The following MACROD2 variants were observed in gnomAD, a reference collection of about 807,000 sequenced individuals.
MACROD2 encodes ADP-ribose glycohydrolase MACROD2.
In MACROD2, 36 loss-of-function variants were observed where a neutral mutation model predicts 70.4. The observed-to-expected ratio is 0.51, with a 90% CI of 0.39 to 0.68. MACROD2 has a LOEUF of 0.68. MACROD2 is among the 30% of genes least tolerant of loss of function. The pLI is 0.00. For synonymous variants in MACROD2, 172 were observed against 178.8 expected (o/e 0.96, Z 0.30); for missense variants, 496 against 538.4 (o/e 0.92, Z 0.78).
At chr20:14,105,348 A>G (rs1272285987) in intron 3 of MACROD2, among the ~76,000 whole-genome samples, 1 of 152,182 alleles carries the variant, frequency 6.6e-6, no homozygotes, top group East Asian at 1.9e-4. Context: ...GAGGAAGGAG[A>G]GCACAGTGCC....
chr20:14,799,670 T>G (rs2072551094), intron 5 of MACROD2, among the ~76,000 whole-genome samples: 1 of 152,052 alleles, frequency 6.6e-6, no homozygotes, highest in Non-Finnish European at 1.5e-5. Flanking sequence ...TATGCTCTGC[T>G]TCTTGGCCAG....
chr20:14,936,634 C>CAA (rs553802068), intron 5 of MACROD2, among the ~76,000 whole-genome samples: 35 of 141,138 alleles, frequency 2.5e-4, no homozygotes, highest in African/African-American at 6.7e-4. Context: ...AGGTCCTTTC[C>CAA]AAAAAAAAAA....
chr20:15,892,834 G>C, intron 10 of MACROD2: 1 of 396,292 alleles, frequency 2.5e-6, no homozygotes, highest in African/African-American at 2.1e-5. Context: ...GTGTGTGTAG[G>C]TTTACTAAGA....
chr20:15,040,067 G>T (rs1026188432), intron 5 of MACROD2, among the ~76,000 whole-genome samples: 1 of 152,126 alleles, frequency 6.6e-6, no homozygotes, highest in Non-Finnish European at 1.5e-5. Context: ...GGAAAAGCAG[G>T]TCTTTTTGCT....
intron 8 of MACROD2, among the ~76,000 whole-genome samples, chr20:15,810,667 C>T (rs1022265367): frequency 1.2e-4 from 19 of 152,168 alleles, no homozygotes; most frequent in Admixed American, 6.5e-4. Context: ...GGAGGCATCA[C>T]GCTACCTGAC....
intron 4 of MACROD2, among the ~76,000 whole-genome samples, chr20:14,534,225 C>A (rs1254460338): frequency 6.6e-6 from 1 of 152,150 alleles, no homozygotes; most frequent in East Asian, 1.9e-4. Flanking sequence ...AGGGTAATTT[C>A]ATTTTCCTCA....
chr20:15,493,415 A>T (rs1212737472), intron 7 of MACROD2, among the ~76,000 whole-genome samples: 1 of 152,220 alleles, frequency 6.6e-6, no homozygotes, highest in African/African-American at 2.4e-5. Context: ...AAGTATCACC[A>T]TATGCCTTTC....
chr20:14,502,166 C>A (rs2084921550), intron 4 of MACROD2, among the ~76,000 whole-genome samples: 1 of 152,210 alleles, frequency 6.6e-6, no homozygotes, highest in Non-Finnish European at 1.5e-5. Flanking sequence ...ACATTATATT[C>A]CTTCAGTTTA....
At chr20:15,543,842 C>T (rs561024725) in intron 8 of MACROD2, among the ~76,000 whole-genome samples, 8 of 152,280 alleles carry the variant, frequency 5.3e-5, no homozygotes, top group South Asian at 4.1e-4. Flanking sequence ...GTCTTTTATC[C>T]GTTTCCCTGG....
At chr20:15,330,388 G>C (rs1205148552) in intron 6 of MACROD2, among the ~76,000 whole-genome samples, 1 of 148,386 alleles carries the variant, frequency 6.7e-6, no homozygotes, top group African/African-American at 2.6e-5. Context: ...TCCAGGCTCA[G>C]CAGGCAGCCC....
chr20:14,350,019 G>A (rs950758169), intron 3 of MACROD2, among the ~76,000 whole-genome samples: 2 of 151,658 alleles, frequency 1.3e-5, no homozygotes, highest in Non-Finnish European at 2.9e-5. Context: ...AAAGTGCTGG[G>A]ATTACAGGCG....
At chr20:15,406,585 C>T (rs1216270000) in intron 6 of MACROD2, among the ~76,000 whole-genome samples, 1 of 152,100 alleles carries the variant, frequency 6.6e-6, no homozygotes, top group African/African-American at 2.4e-5. Context: ...AAAAGTTCTG[C>T]TTAAAATACT....
intron 6 of MACROD2, among the ~76,000 whole-genome samples, chr20:15,352,080 A>T (rs2078233559): frequency 6.6e-6 from 1 of 152,182 alleles, no homozygotes; most frequent in Non-Finnish European, 1.5e-5. Context: ...GCTCAAACTG[A>T]GGCAGCCATA....
At chr20:15,101,738 T>A (rs1218881256) in intron 5 of MACROD2, among the ~76,000 whole-genome samples, 1 of 151,978 alleles carries the variant, frequency 6.6e-6, no homozygotes, top group Non-Finnish European at 1.5e-5. Context: ...AGACTCCTGG[T>A]TCTCACTTTG....
chr20:14,922,075 C>A (rs1364255107), intron 5 of MACROD2, among the ~76,000 whole-genome samples: 1 of 152,252 alleles, frequency 6.6e-6, no homozygotes, highest in East Asian at 1.9e-4. Context: ...GTTCTAAATT[C>A]TAGCAATTTC....
chr20:15,311,693 A>G (rs1252985270), intron 6 of MACROD2, among the ~76,000 whole-genome samples: 1 of 152,204 alleles, frequency 6.6e-6, no homozygotes, highest in Non-Finnish European at 1.5e-5. Context: ...ACAGAAAACC[A>G]AATACTGCAT....
At chr20:15,244,717 G>T (rs1460637712) in intron 6 of MACROD2, among the ~76,000 whole-genome samples, 1 of 152,124 alleles carries the variant, frequency 6.6e-6, no homozygotes, top group African/African-American at 2.4e-5. Context: ...TTGATATTAA[G>T]AATTTTACCT....
chr20:15,253,342 A>G (rs1003230465), intron 6 of MACROD2, among the ~76,000 whole-genome samples: 2 of 152,190 alleles, frequency 1.3e-5, no homozygotes, highest in African/African-American at 4.8e-5. Context: ...CTGGCCTTTT[A>G]CAAAGTTTCC....
At chr20:14,084,514 T>A (rs931718652) in intron 2 of MACROD2, among the ~76,000 whole-genome samples, 6 of 152,198 alleles carry the variant, frequency 3.9e-5, no homozygotes, top group Admixed American at 3.9e-4. Context: ...GAATAGCAAT[T>A]CAAAATATTT....
Sources: allele counts gnomAD v4.1 joint callset (sites outside exome capture counted in the v4.1 genomes callset), GRCh38; gene constraint gnomAD v4.1.1; transcripts MANE v1.5; gene names NCBI Gene and HGNC (gene_info 2026-07-23, HGNC 2026-07-21).